The following METTL24 variants were observed in gnomAD, a reference collection of about 807,000 sequenced individuals.
METTL24 encodes probable methyltransferase-like protein 24.
A neutral mutation model predicts 32.7 loss-of-function variants in METTL24; 29 were observed. That is an observed-to-expected ratio of 0.89 (90% CI 0.66 to 1.21). The LOEUF (loss-of-function observed/expected upper bound fraction) is 1.21. METTL24 is among the 50% of genes most tolerant of loss of function. The pLI is 0.00. For missense variants in METTL24, 439 were observed against 468.1 expected, an observed-to-expected ratio of 0.94 and a Z score of 0.57; for synonymous variants, 163 against 179.5, an observed-to-expected ratio of 0.91 and a Z score of 0.73.
chr6:110,314,359 C>A (rs919693186), intron 3 of METTL24, among the ~76,000 whole-genome samples: 5 of 152,080 alleles, frequency 3.3e-5, no homozygotes, highest in African/African-American at 1.2e-4. Flanking sequence ...AGCCATATAT[C>A]ATTCGTAAGT....
intron 4 of METTL24, among the ~76,000 whole-genome samples, chr6:110,274,619 T>A (rs968940191): frequency 3.3e-5 from 5 of 152,086 alleles, no homozygotes; most frequent in Non-Finnish European, 7.4e-5. Context: ...CTTATCCATG[T>A]AACCAAAAAT....
chr6:110,299,167 C>G lies in METTL24; in HGVS notation c.558-17G>C. 1 of 1,605,358 alleles carries G rather than the reference C, an allele frequency of 6.2e-7. No homozygotes were observed. The highest frequency in any genetic ancestry group is 8.5e-7 in the Non-Finnish European group (1 of 1,174,712). ...CTTCCTAGCCTATAAAGAAAGAGGA[C>G]GGAAATCAACAACAAAAAATGCAAT... On this transcript the variant is annotated splice_polypyrimidine_tract_variant and intron_variant, in intron 3 of 4. Coordinates refer to ENST00000338882, the MANE Select transcript of METTL24 (RefSeq NM_001123364.3).
At chr6:110,252,775 T>C (rs992355854) in intron 4 of METTL24, among the ~76,000 whole-genome samples, 3 of 152,270 alleles carry the variant, frequency 2.0e-5, no homozygotes, top group Middle Eastern at 3.4e-3. Context: ...TTATCTCCCA[T>C]CTAACATGAT....
At chr6:110,317,525 C>T (rs997443293) in intron 2 of METTL24, among the ~76,000 whole-genome samples, 3 of 152,038 alleles carry the variant, frequency 2.0e-5, no homozygotes, top group African/African-American at 7.2e-5. Context: ...ACTAGTTAGT[C>T]CAGGGCAGCT....
intron 4 of METTL24, among the ~76,000 whole-genome samples, chr6:110,251,617 A>T (rs1316535008): frequency 6.6e-6 from 1 of 152,242 alleles, no homozygotes; most frequent in Admixed American, 6.5e-5. Context: ...AATGTATATC[A>T]TACAGTTCTG....
At chr6:110,273,237 T>C (rs1192971902) in intron 4 of METTL24, among the ~76,000 whole-genome samples, 3 of 152,230 alleles carry the variant, frequency 2.0e-5, no homozygotes, top group Non-Finnish European at 2.9e-5. Flanking sequence ...TTCCCTACTT[T>C]ATGCTTTTGT....
intron 4 of METTL24, among the ~76,000 whole-genome samples, chr6:110,289,556 T>C (rs1771282140): frequency 6.6e-6 from 1 of 151,442 alleles, no homozygotes; most frequent in Admixed American, 6.6e-5. Context: ...AATTAAAGAA[T>C]TGGAAGCTAG....
At chr6:110,288,733 T>C (rs1771268388) in intron 4 of METTL24, among the ~76,000 whole-genome samples, 1 of 151,876 alleles carries the variant, frequency 6.6e-6, no homozygotes, top group South Asian at 2.1e-4. Context: ...CACAGGGCGG[T>C]GAGCAGGATG....
At chr6:110,275,250 T>C (rs1308807473) in intron 4 of METTL24, among the ~76,000 whole-genome samples, 1 of 152,094 alleles carries the variant, frequency 6.6e-6, no homozygotes, top group Non-Finnish European at 1.5e-5. Flanking sequence ...TGCATATGAA[T>C]CTGAATGCCT....
intron 3 of METTL24, among the ~76,000 whole-genome samples, chr6:110,308,251 G>A (rs1771659670): frequency 1.3e-5 from 2 of 152,220 alleles, no homozygotes; most frequent in Admixed American, 1.3e-4. Flanking sequence ...GCTGCAAGTA[G>A]TACTGCAGTC....
intron 4 of METTL24, among the ~76,000 whole-genome samples, chr6:110,285,860 A>G (rs1201255383): frequency 1.3e-5 from 2 of 152,192 alleles, no homozygotes; most frequent in Non-Finnish European, 2.9e-5. Context: ...TCAGACAAGT[A>G]CACCCACTTC....
chr6:110,284,771 C>T lies in METTL24; in HGVS notation c.786+14151G>A, dbSNP rs142432503. On this transcript the variant is annotated intron_variant, in intron 4 of 4. Transcript: ENST00000338882. ...TATTTTTTTAGTCTTATTTCTCTTC[C>T]GCTACTTATACTACAGTATAATCTG... Among the ~76,000 whole-genome samples, 547 of 151,990 alleles carry T rather than the reference C, an allele frequency of 3.6e-3. 3 individuals are homozygous for T. The highest frequency in any genetic ancestry group is 0.011 in the African/African-American group (455 of 41,430).
intron 4 of METTL24, among the ~76,000 whole-genome samples, chr6:110,263,174 T>C (rs1374083315): frequency 1.3e-5 from 2 of 152,060 alleles, no homozygotes; most frequent in Admixed American, 6.6e-5. Flanking sequence ...AAGGGGAAGT[T>C]AAATTGTCCC....
chr6:110,351,423 T>A (rs556273271), intron 1 of METTL24, among the ~76,000 whole-genome samples: 1 of 152,096 alleles, frequency 6.6e-6, no homozygotes, highest in Non-Finnish European at 1.5e-5. Flanking sequence ...TAAAGAAAGA[T>A]AGAGCTAGCT....
At chr6:110,302,498 T>C (rs1353367433) in intron 3 of METTL24, among the ~76,000 whole-genome samples, 2 of 129,692 alleles carry the variant, frequency 1.5e-5, no homozygotes, top group Non-Finnish European at 3.1e-5. Flanking sequence ...CATATGTGTA[T>C]ATATACACAT....
chr6:110,261,658 T>C (rs1770733344), intron 4 of METTL24, among the ~76,000 whole-genome samples: 1 of 152,180 alleles, frequency 6.6e-6, no homozygotes, highest in Non-Finnish European at 1.5e-5. Flanking sequence ...ATCAACAATA[T>C]ATACATTCTT....
intron 1 of METTL24, among the ~76,000 whole-genome samples, chr6:110,334,841 A>G (rs1772182113): frequency 1.3e-5 from 2 of 152,220 alleles, no homozygotes; most frequent in Non-Finnish European, 2.9e-5. Context: ...ACAATGATAC[A>G]GTATTTGGTA....
intron 1 of METTL24, among the ~76,000 whole-genome samples, chr6:110,335,014 G>A (rs1220739242): frequency 6.6e-6 from 1 of 152,158 alleles, no homozygotes; most frequent in East Asian, 1.9e-4. Flanking sequence ...TGAATCTCTG[G>A]GAAGCTGCCA....
chr6:110,330,151 C>G (rs117414838), intron 1 of METTL24, among the ~76,000 whole-genome samples: 1 of 152,230 alleles, frequency 6.6e-6, no homozygotes, highest in East Asian at 1.9e-4. Flanking sequence ...TAGAGGAAAT[C>G]CTCACTTTTC....
Sources: gnomAD v4.1 joint callset for allele counts (sites outside exome capture counted in the v4.1 genomes callset) on GRCh38, gnomAD v4.1.1 for gene constraint, MANE v1.5 for transcripts, NCBI Gene and HGNC (gene_info 2026-07-23, HGNC 2026-07-21) for gene names.